Variants in GSE1 observed in about 807,000 individuals in gnomAD.
The protein encoded by GSE1 is genetic suppressor element 1.
In GSE1, 32 loss-of-function variants were observed where a neutral mutation model predicts 112.6. That is an observed-to-expected ratio of 0.28 (90% CI 0.21 to 0.38). The LOEUF (loss-of-function observed/expected upper bound fraction) is 0.38, where lower values mean the gene tolerates loss of function less well. Among genes scored for constraint, GSE1 ranks in the 10% least tolerant of loss-of-function variants. The pLI, the probability that GSE1 is intolerant of heterozygous loss-of-function variation, is 1.00. For synonymous variants in GSE1, 1,115 were observed against 735.6 expected (o/e 1.52, Z -8.35); for missense variants, 2,348 against 1,699.2 (o/e 1.38, Z -6.71).
intron 1 of GSE1, among the ~76,000 whole-genome samples, chr16:85,331,579 A>ACG: frequency 7.0e-5 from 2 of 28,470 alleles, no homozygotes; most frequent in African/African-American, 4.1e-4. Context: ...ATATGTGTAC[A>ACG]TGTGTATATA....
At chr16:85,376,995 A>C (rs1297837864) in intron 2 of GSE1, among the ~76,000 whole-genome samples, 1 of 152,226 alleles carries the variant, frequency 6.6e-6, no homozygotes, top group Admixed American at 6.5e-5. Context: ...AGAGTTGCCC[A>C]GTGTGAGTGA....
chr16:85,580,127 C>G (rs1345753830), intron 1 of GSE1: 1 of 152,246 alleles, frequency 6.6e-6, no homozygotes, highest in Non-Finnish European at 1.5e-5. Context: ...GGGGGAAGGG[C>G]AGGCCATGTG....
At chr16:85,388,800 A>C (rs1567729181) in intron 2 of GSE1, among the ~76,000 whole-genome samples, 1 of 152,180 alleles carries the variant, frequency 6.6e-6, no homozygotes, top group Non-Finnish European at 1.5e-5. Flanking sequence ...CCCTTGACTC[A>C]GTTCTGACTA....
At chr16:85,656,168 G>C (rs1477335103) in intron 6 of GSE1, among the ~76,000 whole-genome samples, 175 bp from the exon 7 acceptor site, 2 of 152,154 alleles carry the variant, frequency 1.3e-5, no homozygotes, top group Admixed American at 6.5e-5. Context: ...TTTGTAAGCC[G>C]CTTTGATTGT....
intron 1 of GSE1, among the ~76,000 whole-genome samples, chr16:85,212,250 A>C (rs2075238765): frequency 6.6e-6 from 1 of 152,120 alleles, no homozygotes. Flanking sequence ...TACTAAAAAT[A>C]CAAAAATTAG....
intron 1 of GSE1, among the ~76,000 whole-genome samples, chr16:85,351,673 T>G (rs1390302531): frequency 6.6e-6 from 1 of 152,178 alleles, no homozygotes; most frequent in East Asian, 1.9e-4. Context: ...GTATGTGAGT[T>G]GTATCTCAAT....
At position 85,674,607 on chromosome 16, in the gene GSE1, A is replaced by G. The variant is rs1490985210; in HGVS notation, c.*2068A>G. 1 of 152,272 alleles carries G rather than the reference A, an allele frequency of 6.6e-6. No individual in the cohort carries two copies. Among genetic ancestry groups the G allele is most frequent in the African/African-American group, 2.4e-5 (1 of 41,464 alleles). 9.4% of individuals were successfully genotyped at this position (152,272 alleles called of 1,614,324 possible). On this transcript the variant is annotated 3_prime_UTR_variant, in exon 16 of 16. Transcript: ENST00000253458. ...GCTCTCAGGCCTCCTCCTCCATCACAGATGTCTGGATGCTTTTGGAAATGG... is the reference window on the plus strand; with the variant it reads ...GCTCTCAGGCCTCCTCCTCCATCACGGATGTCTGGATGCTTTTGGAAATGG...
intron 1 of GSE1, among the ~76,000 whole-genome samples, chr16:85,350,340 G>A (rs541107975): frequency 1.6e-4 from 25 of 152,290 alleles, no homozygotes; most frequent in African/African-American, 5.1e-4. Flanking sequence ...CCTGGAGCTT[G>A]CTTGGAAGGA....
At chr16:85,286,355 A>C (rs1353101376) in intron 1 of GSE1, among the ~76,000 whole-genome samples, 1 of 152,192 alleles carries the variant, frequency 6.6e-6, no homozygotes, top group East Asian at 1.9e-4. Flanking sequence ...CTCAGCTGTG[A>C]CAAATAAAAA....
chr16:85,492,633 C>T (rs1480272461), intron 2 of GSE1, among the ~76,000 whole-genome samples: 1 of 152,190 alleles, frequency 6.6e-6, no homozygotes, highest in African/African-American at 2.4e-5. Context: ...TCCGAAGTGG[C>T]AGAGGTTGGA....
At chr16:85,471,888 G>C (rs571687940) in intron 2 of GSE1, among the ~76,000 whole-genome samples, 2 of 152,218 alleles carry the variant, frequency 1.3e-5, no homozygotes, top group African/African-American at 4.8e-5. Context: ...GCCCACATTT[G>C]TTAAGTGCCC....
At chr16:85,579,049 C>G (rs1256582355) in intron 1 of GSE1, among the ~76,000 whole-genome samples, 2 of 152,188 alleles carry the variant, frequency 1.3e-5, no homozygotes, top group African/African-American at 4.8e-5. Flanking sequence ...AGGTCAAAAG[C>G]TAGCATCTTG....
At chr16:85,616,337 C>G (rs749249613) in intron 1 of GSE1, among the ~76,000 whole-genome samples, 20 of 152,208 alleles carry the variant, frequency 1.3e-4, no homozygotes, top group Non-Finnish European at 1.5e-5. Flanking sequence ...TGCGGATAAG[C>G]TAGAGGGCTG....
At chr16:85,246,709 G>A (rs1446638602) in intron 1 of GSE1, among the ~76,000 whole-genome samples, 3 of 151,976 alleles carry the variant, frequency 2.0e-5, no homozygotes, top group East Asian at 1.9e-4. Context: ...GAACCCTAGT[G>A]GACTAGAGAG....
intron 8 of GSE1, among the ~76,000 whole-genome samples, chr16:85,657,979 C>T (rs1196094248): frequency 6.6e-6 from 1 of 152,138 alleles, no homozygotes. Flanking sequence ...TGCTTTTGAG[C>T]CTGGACTTCT....
chr16:85,669,905 C>T (rs905968256), intron 14 of GSE1, among the ~76,000 whole-genome samples: 7 of 152,344 alleles, frequency 4.6e-5, no homozygotes, highest in East Asian at 3.9e-4. Flanking sequence ...GCATGACCTG[C>T]GCTGACCCCC....
At chr16:85,544,264 G>A (rs2044622332) in intron 2 of GSE1, among the ~76,000 whole-genome samples, 2 of 152,206 alleles carry the variant, frequency 1.3e-5, no homozygotes, top group Admixed American at 1.3e-4. Context: ...GGCCCCCAGT[G>A]TCAGTTTTGC....
intron 1 of GSE1, among the ~76,000 whole-genome samples, chr16:85,614,996 GGTCGGCC>G (rs1257023003): frequency 6.6e-5 from 10 of 152,348 alleles, no homozygotes; most frequent in Admixed American, 5.9e-4. Context: ...TGTGCCCCCT[GGTCGGCC>G]GTCTCGTCCT....
At chr16:85,329,275 AG>A (rs2151513255) in intron 1 of GSE1, among the ~76,000 whole-genome samples, 1 of 152,248 alleles carries the variant, frequency 6.6e-6, no homozygotes, top group South Asian at 2.1e-4. Flanking sequence ...GGCTGCCTCC[AG>A]GGCTGGTGTG....
Sources: gnomAD v4.1 joint callset for allele counts (sites outside exome capture counted in the v4.1 genomes callset) on GRCh38, gnomAD v4.1.1 for gene constraint, MANE v1.5 for transcripts, NCBI Gene and HGNC (gene_info 2026-07-23, HGNC 2026-07-21) for gene names.